TECR: variants seen among roughly 807,000 people sequenced by gnomAD.
The protein encoded by TECR is trans-2,3-enoyl-CoA reductase.
Under a neutral mutation model 50.6 loss-of-function variants are expected in TECR, and 19 were observed. The ratio of observed to expected loss-of-function variants is 0.38; its 90% CI spans 0.26 to 0.55. TECR has a LOEUF of 0.55. Among genes scored for constraint, TECR ranks in the 20% least tolerant of loss-of-function variants. The pLI is 0.79. For synonymous variants in TECR, 168 were observed against 163.5 expected (o/e 1.03, Z -0.21); for missense variants, 313 against 408.3 (o/e 0.77, Z 2.01).
At position 14,564,172 on chromosome 19, in the gene TECR, C is replaced by G; in HGVS notation, c.384-10C>G. The G allele has an allele frequency of 6.2e-7, 1 of 1,606,702 alleles. No homozygotes were observed. The highest frequency in any genetic ancestry group is 8.5e-7 in the Non-Finnish European group (1 of 1,179,728). ...GACCAGCCCCAGCTGAGCCTGCTCC[C>G]CCCGACCAGCCTCGCCTGCATCTGT... On this transcript the variant is annotated splice_polypyrimidine_tract_variant and intron_variant, in intron 6 of 12. Transcript: ENST00000215567.
intron 2 of TECR, 97 bp downstream of exon 2, chr19:14,562,672 C>A: frequency 2.2e-6 from 3 of 1,378,066 alleles, no homozygotes; most frequent in Non-Finnish European, 3.1e-6. Flanking sequence ...CCTTTGTGCC[C>A]CACCCCCTGC....
In TECR at chr19:14,535,738, C is replaced by T. The variant is rs1397683217; in HGVS notation, c.15+6027C>T. Among the ~76,000 whole-genome samples, 4 of 104,810 alleles carry T rather than the reference C, an allele frequency of 3.8e-5. No homozygotes were observed. In the Admixed American group the frequency reaches 5.0e-4, roughly 13 times the overall value. 68.8% of individuals were successfully genotyped at this position (104,810 alleles called of 152,430 possible). A position where few individuals can be genotyped will look rare whatever the true frequency, so the allele number is the denominator to read the frequency against. ...ACCACTGCATTCCGGTCCTGGGCAA[C>T]AGAGTGAGACTCTGTCTCAAAAAAA... On this transcript the variant is annotated intron_variant, in intron 1 of 12. Coordinates refer to ENST00000215567, the MANE Select transcript of TECR (RefSeq NM_138501.6).
chr19:14,554,487 C>G (rs981576587), intron 1 of TECR, among the ~76,000 whole-genome samples: 7 of 152,068 alleles, frequency 4.6e-5, no homozygotes, highest in Admixed American at 2.0e-4. Context: ...GGCCATTGAA[C>G]CTGCTTGTTT....
intron 7 of TECR, 23 bp downstream of exon 7, chr19:14,564,310 C>A: frequency 6.3e-7 from 1 of 1,576,284 alleles, no homozygotes; most frequent in Non-Finnish European, 8.6e-7. Context: ...CCCCGCCTCA[C>A]CCCTAAGCCC....
At chr19:14,528,331 C>G (rs974040106), upstream of TECR, among the ~76,000 whole-genome samples, 1 of 151,702 alleles carries the variant, frequency 6.6e-6, no homozygotes, top group African/African-American at 2.4e-5. Context: ...CCTCCGCCTC[C>G]CGGGTTCAAG....
chr19:14,551,965 C>CTCTCTCTCTT (rs2073535459), intron 1 of TECR, among the ~76,000 whole-genome samples: 1 of 120,646 alleles, frequency 8.3e-6, no homozygotes, highest in Non-Finnish European at 1.7e-5. Flanking sequence ...CTCTCTCTCT[C>CTCTCTCTCTT]TCTCTCTTTC....
intron 1 of TECR, among the ~76,000 whole-genome samples, chr19:14,538,892 A>C (rs776280461): frequency 2.3e-4 from 35 of 152,048 alleles, no homozygotes; most frequent in Non-Finnish European, 3.5e-4. Context: ...GACTGATGTC[A>C]AATCATATGC....
chr19:14,555,574 TGGCTG>T (rs1436094916), intron 1 of TECR, among the ~76,000 whole-genome samples: 3 of 151,160 alleles, frequency 2.0e-5, no homozygotes, highest in Middle Eastern at 3.4e-3. Context: ...GCCTCCCAAG[TGGCTG>T]GGATTACAGG....
At chr19:14,532,582 AAATT>A (rs2072715211) in intron 1 of TECR, 2 of 151,774 alleles carry the variant, frequency 1.3e-5, no homozygotes, top group African/African-American at 4.8e-5. Flanking sequence ...AGGAAAAAAT[AAATT>A]GTTATTTTGC....
chr19:14,528,139 C>G (rs1412877914), upstream of TECR, among the ~76,000 whole-genome samples: 5 of 152,096 alleles, frequency 3.3e-5, no homozygotes, highest in Non-Finnish European at 7.4e-5. Context: ...CTGTCTTGGC[C>G]TCCCGAAGTG....
Position 14,557,258 on chromosome 19 carries a change from A to T in TECR, c.16-5267A>T, listed in dbSNP as rs146287320. 2.8e-3 allele frequency among the ~76,000 whole-genome samples: 419 copies of T among 151,518 alleles called. 2 individuals are homozygous for T. Among genetic ancestry groups the T allele is most frequent in the Non-Finnish European group, 3.4e-3 (234 of 67,930 alleles). On this transcript the variant is annotated intron_variant, in intron 1 of 12. Transcript: ENST00000215567. ...TGAGTTCAAGCAATTCTCCTGACTC[A>T]ACCTCCTGAGTAGCTGGGATTACAG...
intron 1 of TECR, among the ~76,000 whole-genome samples, chr19:14,549,211 CT>C (rs561284094): frequency 2.5e-3 from 282 of 111,156 alleles, no homozygotes; most frequent in East Asian, 0.017. Flanking sequence ...TTTAATTGGA[CT>C]TTTTTTTTTT....
At chr19:14,534,489 G>A (rs1203705214) in intron 1 of TECR, among the ~76,000 whole-genome samples, 3 of 126,658 alleles carry the variant, frequency 2.4e-5, no homozygotes, top group Non-Finnish European at 4.7e-5. Flanking sequence ...AGGCTGGAGT[G>A]CAGTGATGTG....
In TECR at chr19:14,564,274, G is replaced by A. The variant is rs367816943; in HGVS notation, c.476G>A (p.Arg159His). 78 of 1,604,886 alleles carry A rather than the reference G, an allele frequency of 4.9e-5. No homozygotes were observed. The highest frequency in any genetic ancestry group is 6.4e-5 in the Non-Finnish European group (75 of 1,179,620). Residue 159 changes from arginine to histidine, a missense_variant, in exon 7 of 13, where the codon CGC becomes CAC. By Grantham distance (29) the Arg-to-His change is conservative. Coordinates refer to ENST00000215567, the MANE Select transcript of TECR (RefSeq NM_138501.6). ...TTCTCCCATGGCACTATGCCTTTGCGCAACATCTTCAAGGTGAGAGCCCGT... is the reference window on the plus strand; with the variant it reads ...TTCTCCCATGGCACTATGCCTTTGCACAACATCTTCAAGGTGAGAGCCCGT... Reference protein sequence around the residue: ...HRFSHGTMPLRNIFKNCTYYW... With the variant: ...HRFSHGTMPLHNIFKNCTYYW...
chr19:14,549,016 ATT>A (rs111721704), intron 1 of TECR, among the ~76,000 whole-genome samples: 7 of 150,658 alleles, frequency 4.6e-5, no homozygotes, highest in African/African-American at 1.7e-4. Context: ...GGTTTCTTTG[ATT>A]TTTTTTTTCC....
intron 9 of TECR, 24 bp downstream of exon 9, chr19:14,565,016 G>C: frequency 6.2e-7 from 1 of 1,613,940 alleles, no homozygotes; most frequent in Non-Finnish European, 8.5e-7. Flanking sequence ...GTGTGGGGAC[G>C]GGGTCGGGGG....
intron 1 of TECR, 63 bp downstream of exon 1, chr19:14,529,774 G>A: frequency 6.2e-7 from 1 of 1,609,746 alleles, no homozygotes; most frequent in Non-Finnish European, 8.5e-7. Context: ...CTTCTTTGCG[G>A]GACCACGGGA....
At chr19:14,558,046 C>T (rs966758084) in intron 1 of TECR, among the ~76,000 whole-genome samples, 9 of 152,152 alleles carry the variant, frequency 5.9e-5, no homozygotes, top group African/African-American at 1.7e-4. Flanking sequence ...TGAGCCACCA[C>T]GCCCGGCCTA....
intron 1 of TECR, among the ~76,000 whole-genome samples, chr19:14,538,080 C>G (rs917199929): frequency 1.3e-5 from 2 of 152,136 alleles, no homozygotes; most frequent in Admixed American, 1.3e-4. Flanking sequence ...ATATCTAAAT[C>G]GTGTACTAAA....
Sources: allele counts gnomAD v4.1 joint callset (sites outside exome capture counted in the v4.1 genomes callset), GRCh38; gene constraint gnomAD v4.1.1; transcripts MANE v1.5; gene names NCBI Gene and HGNC (gene_info 2026-07-23, HGNC 2026-07-21).